Variants in SAMD12 observed in about 807,000 individuals in gnomAD.
SAMD12 encodes the protein sterile alpha motif domain containing 12.
SAMD12 carries 9 observed loss-of-function variants against 15.0 expected under a neutral mutation model. The observed-to-expected ratio is 0.60, with a 90% CI of 0.36 to 1.05. The LOEUF is 1.05. Among genes scored for constraint, SAMD12 ranks in the 50% least tolerant of loss-of-function variants. The probability of loss-of-function intolerance (pLI) is 0.01; values close to 1 mark genes in which losing one functional copy is unlikely to be tolerated. For missense variants in SAMD12, 230 were observed against 234.2 expected (o/e 0.98, Z 0.12); for synonymous variants, 86 against 90.1 (o/e 0.96, Z 0.25).
intron 2 of SAMD12, among the ~76,000 whole-genome samples, chr8:118,565,828 T>G (rs544446594): frequency 6.6e-5 from 10 of 152,324 alleles, no homozygotes; most frequent in Non-Finnish European, 7.3e-5. Flanking sequence ...TGAGTGATCT[T>G]TCATTCCTCT....
intron 2 of SAMD12, among the ~76,000 whole-genome samples, chr8:118,522,566 C>T (rs1271012133): frequency 6.6e-6 from 1 of 152,128 alleles, no homozygotes; most frequent in Non-Finnish European, 1.5e-5. Context: ...GACACTGTTT[C>T]CACAAAGTTA....
At chr8:118,330,250 G>C (rs1816751947) in intron 4 of SAMD12, among the ~76,000 whole-genome samples, 1 of 152,200 alleles carries the variant, frequency 6.6e-6, no homozygotes, top group Admixed American at 6.5e-5. Flanking sequence ...GGAGACACAG[G>C]CCTTGATGCA....
intron 4 of SAMD12, among the ~76,000 whole-genome samples, chr8:118,299,672 T>C (rs1814913570): frequency 6.6e-6 from 1 of 151,966 alleles, no homozygotes; most frequent in African/African-American, 2.4e-5. Context: ...GAAAATAATA[T>C]AGGAATCTAA....
chr8:118,533,088 T>C (rs1388128854), intron 2 of SAMD12, among the ~76,000 whole-genome samples: 1 of 152,224 alleles, frequency 6.6e-6, no homozygotes, highest in East Asian at 1.9e-4. Context: ...TGCTATAAAT[T>C]TCCCTCTACA....
chr8:118,619,478 CAA>C (rs33947611), intron 1 of SAMD12, among the ~76,000 whole-genome samples: 40 of 112,188 alleles, frequency 3.6e-4, no homozygotes, highest in Non-Finnish European at 2.3e-4. Context: ...GACTCTGTCT[CAA>C]AAAAAAAAAA....
intron 2 of SAMD12, among the ~76,000 whole-genome samples, chr8:118,514,937 C>T (rs1038208324): frequency 2.0e-5 from 3 of 152,108 alleles, no homozygotes; most frequent in Admixed American, 6.6e-5. Flanking sequence ...TTGGATCATG[C>T]GAACAAACTT....
At chr8:118,437,850 G>T (rs1282981514) in intron 3 of SAMD12, among the ~76,000 whole-genome samples, 2 of 152,200 alleles carry the variant, frequency 1.3e-5, no homozygotes, top group South Asian at 4.1e-4. Context: ...GGACTGTAAG[G>T]CTCATCCTCT....
the SAMD12 span, among the ~76,000 whole-genome samples, chr8:118,151,014 T>C: frequency 6.6e-6 from 1 of 152,060 alleles, no homozygotes; most frequent in Non-Finnish European, 1.5e-5. Flanking sequence ...GTCCAGCCTG[T>C]GCAACATAGT....
intron 4 of SAMD12, among the ~76,000 whole-genome samples, chr8:118,235,488 C>T (rs1812409626): frequency 6.6e-6 from 1 of 151,506 alleles, no homozygotes; most frequent in African/African-American, 2.4e-5. Flanking sequence ...GGATTACAAG[C>T]ATGAGAAGTC....
At chr8:118,338,219 G>C (rs1172220987) in intron 4 of SAMD12, among the ~76,000 whole-genome samples, 1 of 152,164 alleles carries the variant, frequency 6.6e-6, no homozygotes, top group Non-Finnish European at 1.5e-5. Context: ...AAACTTAAAA[G>C]GACAGAAACA....
intron 3 of SAMD12, among the ~76,000 whole-genome samples, chr8:118,393,500 T>C (rs1177068827): frequency 6.6e-6 from 1 of 152,124 alleles, no homozygotes; most frequent in Admixed American, 6.6e-5. Context: ...TCCTCTGGCC[T>C]TGGCCTCCCA....
chr8:118,371,047 A>G (rs192631982), intron 4 of SAMD12, among the ~76,000 whole-genome samples: 1 of 152,300 alleles, frequency 6.6e-6, no homozygotes, highest in Admixed American at 6.5e-5. Flanking sequence ...CATCAAGGCT[A>G]TGTCTTTTCA....
intron 4 of SAMD12, among the ~76,000 whole-genome samples, chr8:118,273,872 G>A (rs1289922358): frequency 6.6e-6 from 1 of 152,130 alleles, no homozygotes; most frequent in East Asian, 1.9e-4. Flanking sequence ...TTGTCTCCAG[G>A]AGATCAAGAT....
intron 4 of SAMD12, among the ~76,000 whole-genome samples, chr8:118,226,688 G>C (rs1812196549): frequency 6.6e-6 from 1 of 152,200 alleles, no homozygotes; most frequent in Non-Finnish European, 1.5e-5. Flanking sequence ...TGAGGAGGTA[G>C]TATTGTAAAG....
At chr8:118,620,610 G>A (rs143944978) in intron 1 of SAMD12, among the ~76,000 whole-genome samples, 3 of 152,250 alleles carry the variant, frequency 2.0e-5, no homozygotes, top group African/African-American at 7.2e-5. Context: ...GCTGAGTATA[G>A]GAGCTGGGTT....
chr8:118,364,809 G>A (rs555123880), intron 4 of SAMD12, among the ~76,000 whole-genome samples: 3 of 152,162 alleles, frequency 2.0e-5, no homozygotes, highest in South Asian at 2.1e-4. Context: ...CTCCTTTACC[G>A]TTTTTCAATC....
At chr8:118,570,132 G>A (rs185186612) in intron 2 of SAMD12, among the ~76,000 whole-genome samples, 1 of 152,244 alleles carries the variant, frequency 6.6e-6, no homozygotes. Context: ...TGCAGAGGAG[G>A]GTGAAAGAGC....
chr8:118,236,200 T>C (rs964048845), intron 4 of SAMD12, among the ~76,000 whole-genome samples: 1 of 152,180 alleles, frequency 6.6e-6, no homozygotes, highest in African/African-American at 2.4e-5. Context: ...TCTTAAAATA[T>C]TGAAGCAGAG....
intron 1 of SAMD12, among the ~76,000 whole-genome samples, chr8:118,594,254 A>T (rs1180765748): frequency 2.6e-5 from 4 of 152,070 alleles, no homozygotes; most frequent in Non-Finnish European, 4.4e-5. Flanking sequence ...ACAGCTCTGT[A>T]AGCTTTCCAT....
Sources: gnomAD v4.1 joint callset for allele counts (sites outside exome capture counted in the v4.1 genomes callset) on GRCh38, gnomAD v4.1.1 for gene constraint, MANE v1.5 for transcripts, NCBI Gene and HGNC (gene_info 2026-07-23, HGNC 2026-07-21) for gene names.